Variants in SLC35F5 observed in about 807,000 individuals in gnomAD.
SLC35F5 encodes the protein solute carrier family 35 member F5, also known as HCV NS5A-transactivated protein 3.
Under a neutral mutation model 68.6 loss-of-function variants are expected in SLC35F5, and 54 were observed. The ratio of observed to expected loss-of-function variants is 0.79; its 90% CI spans 0.63 to 0.99. The LOEUF (loss-of-function observed/expected upper bound fraction) is 0.99, where lower values mean the gene tolerates loss of function less well. Ranked by LOEUF, SLC35F5 falls within the 50% of genes least tolerant of loss-of-function variation. The pLI is 0.00. For synonymous variants in SLC35F5, 211 were observed against 205.2 expected (o/e 1.03, Z -0.24); for missense variants, 567 against 626.9 (o/e 0.90, Z 1.02).
rs1236959741 is a variant in SLC35F5, at chr2:113,708,533, C to A, written c.*6685G>T. On this transcript the variant is annotated 3_prime_UTR_variant, in exon 16 of 16. Transcript: ENST00000245680. ...CAACCTGGCCAACATGGTAAAACCT[C>A]CTCTCTACTATAAATACAAAAAATT... Among the ~76,000 whole-genome samples the A allele has an allele frequency of 2.6e-5, 4 of 151,918 alleles. No homozygotes were observed. The highest frequency in any genetic ancestry group is 4.4e-5 in the Non-Finnish European group (3 of 67,980).
intron 9 of SLC35F5, among the ~76,000 whole-genome samples, chr2:113,731,882 T>C (rs1687910100): frequency 6.6e-6 from 1 of 152,172 alleles, no homozygotes; most frequent in Non-Finnish European, 1.5e-5. Flanking sequence ...TATAAGGAAG[T>C]GTTATTACTG....
intron 4 of SLC35F5, among the ~76,000 whole-genome samples, chr2:113,749,956 T>G (rs533507820): frequency 6.6e-6 from 1 of 152,252 alleles, no homozygotes; most frequent in African/African-American, 2.4e-5. Context: ...GCATATTATA[T>G]TATATTACAT....
At chr2:113,753,485 A>G (rs916241377) in intron 3 of SLC35F5, among the ~76,000 whole-genome samples, 1 of 152,152 alleles carries the variant, frequency 6.6e-6, no homozygotes. Context: ...CCCTATCTCC[A>G]AAGTTTAATG....
chr2:113,704,507 G>A (rs1006854573), downstream of SLC35F5, among the ~76,000 whole-genome samples: 1 of 152,212 alleles, frequency 6.6e-6, no homozygotes, highest in Non-Finnish European at 1.5e-5. Flanking sequence ...ACGGAGCTGG[G>A]AAGGCTCAGG....
In SLC35F5 at chr2:113,717,858, A is replaced by G; in HGVS notation, c.1497-8T>C. 2 of 1,587,910 alleles carry G rather than the reference A, an allele frequency of 1.3e-6. No homozygotes were observed. Among genetic ancestry groups the G allele is most frequent in the South Asian group, 2.3e-5 (2 of 87,470 alleles). On this transcript the variant is annotated splice_region_variant and splice_polypyrimidine_tract_variant and intron_variant, in intron 14 of 15. Coordinates refer to ENST00000245680, the MANE Select transcript of SLC35F5 (RefSeq NM_025181.5). ...TCGCTGTCTTCTGGAACTCTTAAGA[A>G]AAAAAAAAGCAGTAATTAAGGAAAG...
At chr2:113,726,299 G>A (rs768712889) in intron 11 of SLC35F5, among the ~76,000 whole-genome samples, 10 of 151,940 alleles carry the variant, frequency 6.6e-5, no homozygotes, top group Non-Finnish European at 1.3e-4. Flanking sequence ...CATAGTATCT[G>A]GCACATGGTA....
At chr2:113,753,397 G>A (rs997279942) in intron 3 of SLC35F5, among the ~76,000 whole-genome samples, 2 of 151,822 alleles carry the variant, frequency 1.3e-5, no homozygotes, top group Admixed American at 6.6e-5. Context: ...GGCTGGTCTC[G>A]AACTCCTGAC....
rs1017226085 is a variant in SLC35F5, at chr2:113,712,270, T to TA, written c.*2947dup. 6.6e-5 allele frequency among the ~76,000 whole-genome samples: 10 copies of TA among 152,216 alleles called. No individual in the cohort carries two copies. The highest frequency in any genetic ancestry group is 1.3e-4 in the Non-Finnish European group (9 of 68,032). On this transcript the variant is annotated 3_prime_UTR_variant, in exon 16 of 16. Coordinates refer to ENST00000245680, the MANE Select transcript of SLC35F5 (RefSeq NM_025181.5). ...AAGGAATAAGTATGGGTGCATTACATAAACCTAATGGTTCTTCTAAGCTTC... is the reference window on the plus strand; with the variant it reads ...AAGGAATAAGTATGGGTGCATTACATAAAACCTAATGGTTCTTCTAAGCTTC...
chr2:113,715,263 A>AT (rs1357000786), intron 15 of SLC35F5, 68 bp from the exon 16 acceptor site: 1 of 152,214 alleles, frequency 6.6e-6, no homozygotes, highest in Non-Finnish European at 1.5e-5. Flanking sequence ...TATAGTTTAC[A>AT]TTTTAAAAAG....
chr2:113,705,357 T>A (rs1686775854), downstream of SLC35F5: 1 of 152,176 alleles, frequency 6.6e-6, no homozygotes, highest in African/African-American at 2.4e-5. Context: ...ATCGAGACCA[T>A]CCTGACCAAC....
downstream of SLC35F5, chr2:113,703,642 C>A (rs1027353093): frequency 2.6e-5 from 4 of 152,122 alleles, no homozygotes; most frequent in Non-Finnish European, 5.9e-5. Context: ...ATTAGATTGG[C>A]GAGACTTGAT....
At chr2:113,742,584 A>G in intron 7 of SLC35F5, 108 bp downstream of exon 7, 2 of 1,146,596 alleles carry the variant, frequency 1.7e-6, no homozygotes, top group South Asian at 2.9e-5. Context: ...TAAAGTCATG[A>G]TTAAACAACC....
intron 3 of SLC35F5, among the ~76,000 whole-genome samples, chr2:113,753,185 T>C (rs1374700916): frequency 2.2e-5 from 3 of 135,400 alleles, no homozygotes; most frequent in African/African-American, 5.5e-5. Flanking sequence ...TTTTTTTTTT[T>C]TTTTTTTTTT....
At chr2:113,739,276 G>A (rs913458090) in intron 7 of SLC35F5, among the ~76,000 whole-genome samples, 2 of 151,106 alleles carry the variant, frequency 1.3e-5, no homozygotes, top group African/African-American at 4.9e-5. Context: ...ATCATCTCTA[G>A]ATTACTTGTA....
chr2:113,716,318 C>T (rs1000445130), intron 15 of SLC35F5, among the ~76,000 whole-genome samples: 1 of 152,144 alleles, frequency 6.6e-6, no homozygotes, highest in Admixed American at 6.5e-5. Context: ...TTTCTCTACC[C>T]CAGGAGAAGA....
rs1326588717 is a variant in SLC35F5 at position 113,714,023 on chromosome 2, AG to A, written c.*1194del. On this transcript the variant is annotated 3_prime_UTR_variant, in exon 16 of 16. Coordinates refer to ENST00000245680, the MANE Select transcript of SLC35F5 (RefSeq NM_025181.5). ...TTGAAAAGAATATTGATTAATCAAA[AG>A]CCTGTGAATCCTGGGACATACGTTT... 1 of 152,186 alleles carries A rather than the reference AG, an allele frequency of 6.6e-6. No homozygotes were observed. The highest frequency in any genetic ancestry group is 2.4e-5 in the African/African-American group (1 of 41,470). The allele number at this position is 152,186 out of a possible 1,614,324, so 9.4% of individuals were successfully genotyped here.
At chr2:113,704,238 T>C (rs1421785414), downstream of SLC35F5, among the ~76,000 whole-genome samples, 1 of 152,108 alleles carries the variant, frequency 6.6e-6, no homozygotes, top group African/African-American at 2.4e-5. Flanking sequence ...CTCTGATTGG[T>C]CCATTTTACA....
rs762012252 is a variant in SLC35F5, at chr2:113,750,486, A to G, written c.356T>C (p.Ile119Thr). ...CTGTTGTCTCCATGGCTTCCAAATA[A>G]TAAAGCCCAAAAGGTACAAAACAAA... ...SMFVLYLLGF[I>T]IWKPWRQQCT... Residue 119 changes from isoleucine to threonine, a missense_variant, in exon 4 of 16, where the codon ATT becomes ACT. Ile to Thr is a moderately conservative substitution (Grantham distance 89, BLOSUM62 -1). Transcript: ENST00000245680. The G allele has an allele frequency of 3.1e-6, 5 of 1,613,666 alleles. No homozygotes were observed. Among genetic ancestry groups the G allele is most frequent in the Non-Finnish European group, 4.2e-6 (5 of 1,179,828 alleles).
chr2:113,725,478 T>C lies in SLC35F5; in HGVS notation c.1150A>G (p.Thr384Ala). The C allele has an allele frequency of 1.2e-6, 2 of 1,605,562 alleles. No homozygotes were observed. The highest frequency in any genetic ancestry group is 1.7e-6 in the Non-Finnish European group (2 of 1,177,988). Reference sequence around the variant, plus strand: ...GGAAACTCGAAGTCCTCAAATCCAGTATAATGAAGTAAAAAGAAACCTGGC... The same window carrying C: ...GGAAACTCGAAGTCCTCAAATCCAGCATAATGAAGTAAAAAGAAACCTGGC... ...LWPGFFLLHY[T>A]GFEDFEFPNK... Residue 384 changes from threonine to alanine, a missense_variant, in exon 12 of 16, where the codon ACT (threonine) becomes GCT (alanine). By Grantham distance (58) the Thr-to-Ala change is moderately conservative. Transcript: ENST00000245680.
Sources: allele counts gnomAD v4.1 joint callset (sites outside exome capture counted in the v4.1 genomes callset), GRCh38; gene constraint gnomAD v4.1.1; transcripts MANE v1.5; gene names NCBI Gene and HGNC (gene_info 2026-07-23, HGNC 2026-07-21).